The following RTN4 variants were observed in gnomAD, a reference collection of about 807,000 sequenced individuals.
RTN4 encodes reticulon 4, also known as reticulon-4.
Under a neutral mutation model 90.4 loss-of-function variants are expected in RTN4, and 32 were observed. That is an observed-to-expected ratio of 0.35 (90% CI 0.27 to 0.48). The LOEUF is 0.48. RTN4 is among the 20% of genes least tolerant of loss of function. The pLI, the probability that RTN4 is intolerant of heterozygous loss-of-function variation, is 0.99. For missense variants in RTN4, 1,706 were observed against 1,430.2 expected (o/e 1.19, Z -3.11); for synonymous variants, 629 against 552.5 (o/e 1.14, Z -1.94).
At chr2:55,065,213 A>G (rs1668369265) in intron 2 of RTN4, among the ~76,000 whole-genome samples, 1 of 152,208 alleles carries the variant, frequency 6.6e-6, no homozygotes, top group Admixed American at 6.5e-5. Context: ...CATAAATAGC[A>G]TTTTACTAGA....
intron 3 of RTN4, 31 bp from the exon 4 acceptor site, chr2:54,987,729 A>T: frequency 6.5e-7 from 1 of 1,536,356 alleles, no homozygotes; most frequent in Non-Finnish European, 8.9e-7. Flanking sequence ...CTGAAATTAG[A>T]ATGTTATTTT....
At chr2:55,024,180 AATCCAGGGTTCCTGGGGTC>A (rs1681648625) in intron 3 of RTN4, among the ~76,000 whole-genome samples, 1 of 152,174 alleles carries the variant, frequency 6.6e-6, no homozygotes, top group Non-Finnish European at 1.5e-5. Context: ...CCAGAAATGA[AATCCAGGGTTCCTGGGGTC>A]ATCTTTACCT....
rs1490873455 is a variant in RTN4, at chr2:54,987,539, T to A, written c.3173A>T (p.Lys1058Met). 1.9e-6 allele frequency: 3 copies of A among 1,614,028 alleles called. No individual in the cohort carries two copies. The highest frequency in any genetic ancestry group is 1.7e-6 in the Non-Finnish European group (2 of 1,180,010). ...LSVTISFRIY[K>M]GVIQAIQKSD... ...TTTCTGGATAGCTTGGATCACACCCTTGTATATCCTAAAGCTGATGGTCAC... is the reference window on the plus strand; with the variant it reads ...TTTCTGGATAGCTTGGATCACACCCATGTATATCCTAAAGCTGATGGTCAC... The change falls in exon 4 of 9, where the codon AAG (lysine) becomes ATG (methionine). Residue 1058 changes from lysine to methionine, a missense_variant. Coordinates refer to ENST00000337526, the MANE Select transcript of RTN4 (RefSeq NM_020532.5).
chr2:55,132,929 T>C, the RTN4 span, among the ~76,000 whole-genome samples: 1 of 151,452 alleles, frequency 6.6e-6, no homozygotes, highest in Non-Finnish European at 1.5e-5. Flanking sequence ...TTAAAAAACA[T>C]GGCCGGGTGT....
At chr2:55,067,033 T>C (rs1314580139) in intron 2 of RTN4, among the ~76,000 whole-genome samples, 1 of 152,232 alleles carries the variant, frequency 6.6e-6, no homozygotes, top group African/African-American at 2.4e-5. Context: ...TAATAAACCC[T>C]TTAAAATTGT....
At chr2:54,988,470 T>A (rs1286231046) in intron 3 of RTN4, among the ~76,000 whole-genome samples, 1 of 152,154 alleles carries the variant, frequency 6.6e-6, no homozygotes. Context: ...GAAAATAAAT[T>A]TAAAAAGGCC....
intron 2 of RTN4, among the ~76,000 whole-genome samples, chr2:55,068,851 A>C (rs1668439817): frequency 6.6e-6 from 1 of 152,228 alleles, no homozygotes; most frequent in Non-Finnish European, 1.5e-5. Flanking sequence ...TTTAATTAAT[A>C]CTTTTTACTA....
intron 1 of RTN4, among the ~76,000 whole-genome samples, chr2:55,042,532 A>G (rs1161038283): frequency 1.3e-5 from 2 of 152,218 alleles, no homozygotes; most frequent in Non-Finnish European, 2.9e-5. Flanking sequence ...CAGATACTCA[A>G]GAAACTACTA....
chr2:55,095,308 A>G (rs1380643646), intron 1 of RTN4, among the ~76,000 whole-genome samples: 2 of 151,934 alleles, frequency 1.3e-5, no homozygotes, highest in African/African-American at 4.8e-5. Flanking sequence ...TGGGCGACAG[A>G]GTGAGATCCT....
rs200633765 is a variant in RTN4 at position 55,008,142 on chromosome 2, A to AACACACACACACAC, written c.3013+16930_3013+16943dup. On this transcript the variant is annotated intron_variant, in intron 3 of 8. Transcript: ENST00000337526. ...TTAAATACCAGTTAATCGGCAAGCA[A>AACACACACACACAC]ACACACACACACACACACACACACA... is the stretch of plus-strand genomic sequence containing the variant. Among the ~76,000 whole-genome samples the AACACACACACACAC allele has an allele frequency of 4.1e-3, 595 of 145,104 alleles. 6 individuals carry two copies. Among genetic ancestry groups the AACACACACACACAC allele is most frequent in the South Asian group, 0.023 (104 of 4,470 alleles).
At chr2:55,017,863 T>A (rs1207518536) in intron 3 of RTN4, among the ~76,000 whole-genome samples, 1 of 152,162 alleles carries the variant, frequency 6.6e-6, no homozygotes, top group Admixed American at 6.5e-5. Context: ...TGCCTAATGG[T>A]TCAACACAAC....
intron 1 of RTN4, among the ~76,000 whole-genome samples, chr2:55,110,125 A>G (rs996789233): frequency 3.9e-5 from 6 of 152,090 alleles, no homozygotes; most frequent in African/African-American, 1.4e-4. Flanking sequence ...CCTGGGCAAC[A>G]TGGTGAAACC....
At chr2:55,001,340 T>C (rs1197542716) in intron 3 of RTN4, among the ~76,000 whole-genome samples, 3 of 152,184 alleles carry the variant, frequency 2.0e-5, no homozygotes, top group African/African-American at 7.2e-5. Flanking sequence ...AACTAAAAGA[T>C]GGTTTGTGAT....
At chr2:55,022,929 ACCCTGCTCTCC>A (rs1681554724) in intron 3 of RTN4, among the ~76,000 whole-genome samples, 1 of 149,844 alleles carries the variant, frequency 6.7e-6, no homozygotes, top group African/African-American at 2.5e-5. Flanking sequence ...ACACACACAC[ACCCTGCTCTCC>A]CGCACATGCA....
chr2:55,058,785 G>A (rs1475550819), intron 2 of RTN4, among the ~76,000 whole-genome samples: 1 of 152,158 alleles, frequency 6.6e-6, no homozygotes, highest in African/African-American at 2.4e-5. Flanking sequence ...TCAGTCACGT[G>A]GCAGCTCTGT....
chr2:55,022,340 C>T (rs886616247), intron 3 of RTN4, among the ~76,000 whole-genome samples: 1 of 152,152 alleles, frequency 6.6e-6, no homozygotes, highest in Non-Finnish European at 1.5e-5. Flanking sequence ...CTGTTTGAAA[C>T]CCCCATTCCA....
chr2:54,989,910 G>A (rs1190286024), intron 3 of RTN4, among the ~76,000 whole-genome samples: 1 of 151,896 alleles, frequency 6.6e-6, no homozygotes, highest in Non-Finnish European at 1.5e-5. Context: ...TTATTAGGAG[G>A]GTACAGTGAG....
At chr2:55,135,818 T>C in the RTN4 span, among the ~76,000 whole-genome samples, 2 of 152,230 alleles carry the variant, frequency 1.3e-5, no homozygotes, top group African/African-American at 4.8e-5. Context: ...AATTATACAG[T>C]AATATATATT....
intron 3 of RTN4, among the ~76,000 whole-genome samples, chr2:54,995,256 T>C (rs543026528): frequency 6.7e-6 from 1 of 150,040 alleles, no homozygotes; most frequent in Non-Finnish European, 1.5e-5. Context: ...AAAAAAAAAA[T>C]CTAAATAAAG....
Sources: allele counts gnomAD v4.1 joint callset (sites outside exome capture counted in the v4.1 genomes callset), GRCh38; gene constraint gnomAD v4.1.1; transcripts MANE v1.5; gene names NCBI Gene and HGNC (gene_info 2026-07-23, HGNC 2026-07-21).